Variants in NRG1 observed in about 807,000 individuals in gnomAD.
NRG1 encodes neuregulin 1.
In NRG1, 18 loss-of-function variants were observed where a neutral mutation model predicts 63.8. The observed-to-expected ratio is 0.28, with a 90% CI of 0.19 to 0.42. The LOEUF (loss-of-function observed/expected upper bound fraction) is 0.42, where lower values mean the gene tolerates loss of function less well. NRG1 is among the 10% of genes least tolerant of loss of function. NRG1 has a pLI of 1.00. For missense variants in NRG1, 762 were observed against 814.7 expected, an observed-to-expected ratio of 0.94 and a Z score of 0.79; for synonymous variants, 302 against 301.3, an observed-to-expected ratio of 1.00 and a Z score of -0.02.
At chr8:32,393,282 C>A (rs1812013477) in intron 1 of NRG1, among the ~76,000 whole-genome samples, 1 of 152,128 alleles carries the variant, frequency 6.6e-6, no homozygotes, top group Non-Finnish European at 1.5e-5. Context: ...ATTTCCTGTC[C>A]CACTAGGAGA....
At position 31,831,823 on chromosome 8, in the gene NRG1, A is replaced by G. The variant is rs760808944; in HGVS notation, c.37+192392A>G. 1.2e-4 allele frequency among the ~76,000 whole-genome samples: 18 copies of G among 152,168 alleles called. No homozygotes were observed. In the South Asian group the frequency reaches 1.2e-3, roughly 11 times the overall value. ...TGAGATTTGTATACAAACCCTGTAC[A>G]TTAGTGAGGGACTCACTCAGAGACC... On this transcript the variant is annotated intron_variant, in intron 1 of 10. Coordinates refer to the NRG1 transcript ENST00000519301.
intron 1 of NRG1, among the ~76,000 whole-genome samples, chr8:32,582,565 C>T (rs1167887792): frequency 6.6e-6 from 1 of 152,204 alleles, no homozygotes; most frequent in Non-Finnish European, 1.5e-5. Flanking sequence ...TTGATTCTCT[C>T]ACTCCATCCT....
intron 1 of NRG1, among the ~76,000 whole-genome samples, chr8:32,096,831 G>T (rs2131321411): frequency 6.6e-6 from 1 of 152,238 alleles, no homozygotes; most frequent in Non-Finnish European, 1.5e-5. Flanking sequence ...CTTCCATTAA[G>T]CCCCACCTTC....
At chr8:32,276,852 G>C (rs1047057103) in intron 1 of NRG1, among the ~76,000 whole-genome samples, 1 of 152,208 alleles carries the variant, frequency 6.6e-6, no homozygotes, top group East Asian at 1.9e-4. Context: ...GTCTGGGTGA[G>C]ATACTTCAGT....
chr8:32,522,656 CTCTTA>C (rs1830445210), intron 1 of NRG1, among the ~76,000 whole-genome samples: 1 of 152,184 alleles, frequency 6.6e-6, no homozygotes, highest in South Asian at 2.1e-4. Flanking sequence ...ATTTTCTCTT[CTCTTA>C]TATCTTCAAT....
At chr8:32,089,783 C>T (rs1013589440) in intron 1 of NRG1, among the ~76,000 whole-genome samples, 3 of 151,862 alleles carry the variant, frequency 2.0e-5, no homozygotes, top group African/African-American at 7.3e-5. Flanking sequence ...TTGGTGAGGA[C>T]ACATATAGGT....
chr8:32,751,016 T>A (rs905000407), intron 7 of NRG1: 1 of 152,188 alleles, frequency 6.6e-6, no homozygotes, highest in Admixed American at 6.5e-5. Context: ...CTCATTTTTA[T>A]AGCTGGAGGG....
intron 1 of NRG1, among the ~76,000 whole-genome samples, chr8:32,042,650 C>A (rs1458136931): frequency 3.3e-5 from 5 of 151,672 alleles, no homozygotes; most frequent in African/African-American, 1.2e-4. Flanking sequence ...TGAGTAAGGG[C>A]AAATCTCTTT....
chr8:32,524,694 A>T (rs537996247), intron 1 of NRG1, among the ~76,000 whole-genome samples: 1 of 152,230 alleles, frequency 6.6e-6, no homozygotes, highest in East Asian at 1.9e-4. Context: ...GAATTTCCTA[A>T]GTCATGCGGA....
rs554435467 is a variant in NRG1 at position 32,224,260 on chromosome 8, C to T, written c.38-371568C>T. On this transcript the variant is annotated intron_variant, in intron 1 of 10. Transcript: ENST00000519301. ...ACCAAGCGGCTGAATGAGGCAAGCT[C>T]AGGTGGGGTTTGGTCGATCGCAGGA... 2.2e-4 allele frequency among the ~76,000 whole-genome samples: 34 copies of T among 152,160 alleles called. No homozygotes were observed. The South Asian group carries it at 4.8e-3, about 21-fold the overall frequency.
At chr8:32,117,170 A>T (rs1219558408) in intron 1 of NRG1, among the ~76,000 whole-genome samples, 1 of 151,548 alleles carries the variant, frequency 6.6e-6, no homozygotes, top group Non-Finnish European at 1.5e-5. Context: ...AAAATATGAA[A>T]CCCTAGCTAA....
chr8:32,142,039 C>T (rs941816068), intron 1 of NRG1, among the ~76,000 whole-genome samples: 6 of 152,130 alleles, frequency 3.9e-5, no homozygotes, highest in Admixed American at 2.6e-4. Context: ...GGCAAGGGCT[C>T]GAACCAGCTA....
chr8:31,815,252 C>T (rs1823323713), intron 1 of NRG1, among the ~76,000 whole-genome samples: 1 of 152,044 alleles, frequency 6.6e-6, no homozygotes, highest in Non-Finnish European at 1.5e-5. Context: ...TCCCCATTCC[C>T]CCTCACTTAA....
chr8:32,283,760 C>A lies in NRG1; in HGVS notation c.38-312068C>A, dbSNP rs186917118. 5.3e-5 allele frequency among the ~76,000 whole-genome samples: 8 copies of A among 152,288 alleles called. No individual in the cohort carries two copies. The East Asian group carries it at 1.5e-3, about 29-fold the overall frequency. On this transcript the variant is annotated intron_variant, in intron 1 of 10. Coordinates refer to the NRG1 transcript ENST00000519301. ...TATTAGAATTTCTCCATTAGAGTTT[C>A]TCACCTGCAAGGTGTTGACTTTCCA...
intron 1 of NRG1, among the ~76,000 whole-genome samples, chr8:31,936,623 T>C (rs1290021750): frequency 6.6e-6 from 1 of 152,238 alleles, no homozygotes; most frequent in Non-Finnish European, 1.5e-5. Flanking sequence ...TCACTCACTT[T>C]ATTTTAATGC....
At chr8:32,767,667 G>GTT (rs1308719196) in exon 12 of NRG1, 2 of 151,886 alleles carry the variant, frequency 1.3e-5, no homozygotes, top group African/African-American at 4.8e-5. Flanking sequence ...ATATAGAGTT[G>GTT]TTTTCATATA....
intron 1 of NRG1, among the ~76,000 whole-genome samples, chr8:31,868,837 A>C (rs1047648135): frequency 3.3e-5 from 5 of 152,194 alleles, no homozygotes; most frequent in African/African-American, 1.2e-4. Flanking sequence ...GCTAATTTCT[A>C]GTAAAGCCAG....
In NRG1 at chr8:31,639,557, A is replaced by C. The variant is rs531691838; in HGVS notation, c.37+126A>C. 37 of 1,445,402 alleles carry C rather than the reference A, an allele frequency of 2.6e-5. No homozygotes were observed. The South Asian group carries it at 4.4e-4, about 17-fold the overall frequency. 89.5% of individuals were successfully genotyped at this position (1,445,402 alleles called of 1,614,324 possible). ...CTCCCAGCCGCTTGCTCGCAGCCCC[A>C]GCAGCCGCCGCAGCATCACTTCACA... On this transcript the variant is annotated intron_variant, in intron 1 of 10. Coordinates refer to the NRG1 transcript ENST00000519301.
At chr8:32,434,929 T>C (rs953803362) in intron 1 of NRG1, among the ~76,000 whole-genome samples, 2 of 152,176 alleles carry the variant, frequency 1.3e-5, no homozygotes, top group Non-Finnish European at 2.9e-5. Flanking sequence ...TATGCAAATA[T>C]GCTATTTTAT....
Sources: gnomAD v4.1 joint callset for allele counts (sites outside exome capture counted in the v4.1 genomes callset) on GRCh38, gnomAD v4.1.1 for gene constraint, MANE v1.5 for transcripts, NCBI Gene and HGNC (gene_info 2026-07-23, HGNC 2026-07-21) for gene names.